The following PBXIP1 variants were observed in gnomAD, a reference collection of about 807,000 sequenced individuals.
PBXIP1 encodes pre-B-cell leukemia transcription factor-interacting protein 1.
In PBXIP1, 73 loss-of-function variants were observed where a neutral mutation model predicts 73.7. That is an observed-to-expected ratio of 0.99 (90% CI 0.82 to 1.20). PBXIP1 has a LOEUF of 1.20. PBXIP1 is among the 50% of genes most tolerant of loss of function. The pLI is 0.00. For synonymous variants in PBXIP1, 330 were observed against 366.9 expected (o/e 0.90, Z 1.15); for missense variants, 818 against 911.4 (o/e 0.90, Z 1.32).
intron 9 of PBXIP1, chr1:154,947,037 C>T (rs1027429593): frequency 1.8e-6 from 1 of 551,914 alleles, no homozygotes; most frequent in African/African-American, 1.9e-5. Flanking sequence ...TATATAAGCA[C>T]ACACTTCCTA....
rs1329267515 is a variant in PBXIP1, at chr1:154,945,745, A to T, written c.1929T>A (p.Phe643Leu). 3 of 1,614,186 alleles carry T rather than the reference A, an allele frequency of 1.9e-6. No individual in the cohort carries two copies. The Admixed American group carries it at 5.0e-5, about 27-fold the overall frequency. The part of the protein sequence containing the change: ...TKELPLSPAF[F>L]GEDGIFRHDR... ...CATGACGGAAGATGCCATCCTCACC[A>T]AAGAAAGCAGGTGAGAGGGGTAGCT... Residue 643 changes from phenylalanine to leucine, a missense_variant, in exon 10 of 11, where the codon TTT (phenylalanine) becomes TTA (leucine). Transcript: ENST00000368463.
In PBXIP1 at chr1:154,951,543, A is replaced by T; in HGVS notation, c.179-8T>A. 6 of 1,613,406 alleles carry T rather than the reference A, an allele frequency of 3.7e-6. No individual in the cohort carries two copies. Among genetic ancestry groups the T allele is most frequent in the Non-Finnish European group, 5.1e-6 (6 of 1,179,354 alleles). On this transcript the variant is annotated splice_polypyrimidine_tract_variant and splice_region_variant and intron_variant, in intron 3 of 10. Transcript: ENST00000368463. The surrounding 1 kb of genome is among the most constrained non-coding windows in gnomAD (Gnocchi z 4.3). ...CAGTCTGGAAGAGCGTCCCTGCGGT[A>T]GGAGAAAAGGCGCAGAAAAACCCAC...
Position 154,951,151 on chromosome 1 carries a change from C to T in PBXIP1, c.409+81G>A. 1.5e-6 allele frequency: 2 copies of T among 1,310,800 alleles called. No individual in the cohort carries two copies. Among genetic ancestry groups the T allele is most frequent in the Non-Finnish European group, 2.2e-6 (2 of 918,894 alleles). 81.2% of individuals were successfully genotyped at this position (1,310,800 alleles called of 1,614,324 possible). ...CTCAGCCCTAGGGCCTGGACCACAG[C>T]ATGTGCTCAGTAGTGATGGCTGATC... On this transcript the variant is annotated intron_variant, in intron 5 of 10. Coordinates refer to ENST00000368463, the MANE Select transcript of PBXIP1 (RefSeq NM_020524.4). This position sits in a 1 kb window ranked among gnomAD's most constrained non-coding sequence, Gnocchi z 4.3.
intron 2 of PBXIP1, among the ~76,000 whole-genome samples, chr1:154,952,974 C>A (rs1174039054): frequency 6.6e-6 from 1 of 152,216 alleles, no homozygotes; most frequent in East Asian, 1.9e-4. Flanking sequence ...AAAGTCGCTA[C>A]GTCTTGGAAC....
At chr1:154,952,899 A>T (rs1245330746) in intron 2 of PBXIP1, among the ~76,000 whole-genome samples, 1 of 152,060 alleles carries the variant, frequency 6.6e-6, no homozygotes, top group African/African-American at 2.4e-5. Context: ...CCTCAAGGGC[A>T]CCTCAAACTC....
At chr1:154,950,090 A>C in intron 5 of PBXIP1, 1 of 201,214 alleles carries the variant, frequency 5.0e-6, no homozygotes, top group South Asian at 1.9e-4. Context: ...ATCTTGGCTC[A>C]CTGCAACCTC....
rs1654909717 is a variant in PBXIP1 at position 154,948,498 on chromosome 1, C to CCTTGCCCA, written c.410-140_410-133dup. 3 of 647,222 alleles carry CCTTGCCCA rather than the reference C, an allele frequency of 4.6e-6. No individual in the cohort carries two copies. The Admixed American group carries it at 9.2e-5, about 20-fold the overall frequency. The allele number at this position is 647,222 out of a possible 1,614,324, so 40.1% of individuals were successfully genotyped here. A position where few individuals can be genotyped will look rare whatever the true frequency, so the allele number is the denominator to read the frequency against. On this transcript the variant is annotated intron_variant, in intron 5 of 10. Transcript: ENST00000368463. ...GACCCCAGAGAGGGGCACATGAAGACCTTGCCCACTTGCCCACTTCTGCCT... is the reference window on the plus strand; with the variant it reads ...GACCCCAGAGAGGGGCACATGAAGACCTTGCCCACTTGCCCACTTGCCCACTTCTGCCT...
Position 154,953,796 on chromosome 1 carries a change from C to T in PBXIP1, c.-36-39G>A, listed in dbSNP as rs1655088593. ...CTCTCTTAAGGATGGGAGCTCCCTT[C>T]AGGAGGGGCAGAATGCAGAAAGCAG... On this transcript the variant is annotated intron_variant, in intron 1 of 10. Coordinates refer to ENST00000368463, the MANE Select transcript of PBXIP1 (RefSeq NM_020524.4). 3 of 1,334,752 alleles carry T rather than the reference C, an allele frequency of 2.2e-6. No individual in the cohort carries two copies. In the African/African-American group the frequency reaches 4.3e-5, roughly 19 times the overall value. The allele number at this position is 1,334,752 out of a possible 1,614,324, so 82.7% of individuals were successfully genotyped here.
In PBXIP1 at chr1:154,945,765, G is replaced by A; in HGVS notation, c.1909C>T (p.Pro637Ser). Residue 637 changes from proline (P) to serine (S), a missense_variant, in exon 10 of 11, where the codon CCC becomes TCC. Physicochemically the swap from Pro to Ser is moderately conservative, Grantham distance 74 (BLOSUM62 -1). Transcript: ENST00000368463. ...PWAGQLTKEL[P>S]LSPAFFGEDG... ...TCACCAAAGAAAGCAGGTGAGAGGG[G>A]TAGCTCCTTGGTCAGCTGCCCAGCC... 1 of 1,614,218 alleles carries A rather than the reference G, an allele frequency of 6.2e-7. No individual in the cohort carries two copies. The highest frequency in any genetic ancestry group is 8.5e-7 in the Non-Finnish European group (1 of 1,180,036).
Position 154,951,923 on chromosome 1 carries a change from T to C in PBXIP1, c.52-2A>G. Reference sequence around the variant, plus strand: ...GCCCAGTGTCTCCACTGGCAGGCTCTGGGAGGAGAAGTGCAAGGAGAAGGG... The same window carrying C: ...GCCCAGTGTCTCCACTGGCAGGCTCCGGGAGGAGAAGTGCAAGGAGAAGGG... On this transcript the variant is annotated splice_acceptor_variant, in intron 2 of 10. Transcript: ENST00000368463. LOFTEE classifies it high-confidence loss of function. The surrounding 1 kb of genome is among the most constrained non-coding windows in gnomAD (Gnocchi z 4.3). 1 of 1,603,724 alleles carries C rather than the reference T, an allele frequency of 6.2e-7. No homozygotes were observed. The highest frequency in any genetic ancestry group is 8.5e-7 in the Non-Finnish European group (1 of 1,177,406).
chr1:154,952,007 G>A, intron 2 of PBXIP1, 86 bp from the exon 3 acceptor site: 1 of 1,467,990 alleles, frequency 6.8e-7, no homozygotes, highest in Non-Finnish European at 9.2e-7. Context: ...TCAGTCATGA[G>A]CTGGCCCAAA....
At chr1:154,947,756 A>G in intron 7 of PBXIP1, 44 bp from the exon 8 acceptor site, 1 of 1,577,072 alleles carries the variant, frequency 6.3e-7, no homozygotes, top group Non-Finnish European at 8.7e-7. Context: ...AGGCACACAG[A>G]GCCCATTCTC....
Position 154,945,958 on chromosome 1 carries a change from T to C in PBXIP1, c.1716A>G (p.Pro572=). The change falls in exon 10 of 11, where the codon CCA becomes CCG. Residue 572 remains proline (P), a synonymous_variant. Transcript: ENST00000368463. ...EGTKDSHDPL[P]SWAELLRPKY... is the part of the protein sequence containing the mutation. ...TGGGCCTCAACAGCTCTGCCCAGGA[T>C]GGCAGGGGGTCATGGCTGTCCTTAG... 1.2e-6 allele frequency: 2 copies of C among 1,614,086 alleles called. No homozygotes were observed. Among genetic ancestry groups the C allele is most frequent in the Non-Finnish European group, 1.7e-6 (2 of 1,179,940 alleles).
Position 154,946,815 on chromosome 1 carries a change from T to C in PBXIP1, c.871-12A>G. 1 of 1,516,924 alleles carries C rather than the reference T, an allele frequency of 6.6e-7. No individual in the cohort carries two copies. The highest frequency in any genetic ancestry group is 8.8e-7 in the Non-Finnish European group (1 of 1,134,224). The allele number at this position is 1,516,924 out of a possible 1,614,324, so 94.0% of individuals were successfully genotyped here. On this transcript the variant is annotated splice_polypyrimidine_tract_variant and intron_variant, in intron 9 of 10. Transcript: ENST00000368463. Reference sequence around the variant, plus strand: ...TCTTCCTTTTGGGCCTAGAATATGGTTTGGGACAAAGGAAGTCACAAAGAG... The same window carrying C: ...TCTTCCTTTTGGGCCTAGAATATGGCTTGGGACAAAGGAAGTCACAAAGAG...
In PBXIP1 at chr1:154,949,988, ATTTATTTTAT is replaced by A. The variant is rs575712181; in HGVS notation, c.409+1234_409+1243del. ...CCACACCCAGCCTATTTTTATTTTT[ATTTATTTTAT>A]TTTATTTTATTTTATTTTATTTATT... On this transcript the variant is annotated intron_variant, in intron 5 of 10. Coordinates refer to ENST00000368463, the MANE Select transcript of PBXIP1 (RefSeq NM_020524.4). 2.1e-3 allele frequency among the ~76,000 whole-genome samples: 312 copies of A among 151,144 alleles called. 1 individual carries two copies. The highest frequency in any genetic ancestry group is 6.8e-3 in the Middle Eastern group (2 of 294).
At chr1:154,954,411 C>A (rs1045301165) in intron 1 of PBXIP1, among the ~76,000 whole-genome samples, 1 of 152,182 alleles carries the variant, frequency 6.6e-6, no homozygotes, top group African/African-American at 2.4e-5. Context: ...TCAAATGATT[C>A]TCATGCGCAG....
chr1:154,952,805 T>G (rs999357496), intron 2 of PBXIP1, among the ~76,000 whole-genome samples: 4 of 152,082 alleles, frequency 2.6e-5, no homozygotes, highest in African/African-American at 9.7e-5. Flanking sequence ...TGCTCATACC[T>G]GCCTTCCCTC....
In PBXIP1 at chr1:154,951,511, G is replaced by C. The variant is rs1399881281; in HGVS notation, c.203C>G (p.Pro68Arg). 6 of 1,613,968 alleles carry C rather than the reference G, an allele frequency of 3.7e-6. No individual in the cohort carries two copies. Among genetic ancestry groups the C allele is most frequent in the Non-Finnish European group, 5.1e-6 (6 of 1,179,864 alleles). ...CTCTGTTAGAATGCTGCCAGACTGAGGGCTTTCAGTCTGGAAGAGCGTCCC... is the reference window on the plus strand; with the variant it reads ...CTCTGTTAGAATGCTGCCAGACTGACGGCTTTCAGTCTGGAAGAGCGTCCC... Reference protein sequence around the residue: ...GEGTLFQTESPQSGSILTEET... With the variant: ...GEGTLFQTESRQSGSILTEET... The change falls in exon 4 of 11, where the codon CCT (proline) becomes CGT (arginine). Residue 68 changes from proline to arginine, a missense_variant. Pro to Arg is a moderately radical substitution (Grantham distance 103). Coordinates refer to ENST00000368463, the MANE Select transcript of PBXIP1 (RefSeq NM_020524.4). The surrounding 1 kb of genome is among the most constrained non-coding windows in gnomAD (Gnocchi z 4.3).
intron 10 of PBXIP1, 52 bp downstream of exon 10, chr1:154,945,520 T>G: frequency 6.4e-7 from 1 of 1,551,692 alleles, no homozygotes; most frequent in Non-Finnish European, 8.8e-7. Context: ...GCTCTTCACA[T>G]CCTCCCGACT....
Sources: gnomAD v4.1 joint callset for allele counts (sites outside exome capture counted in the v4.1 genomes callset) on GRCh38, gnomAD v4.1.1 for gene constraint, Gnocchi (gnomAD v3.1) non-coding constraint, MANE v1.5 for transcripts, NCBI Gene and HGNC (gene_info 2026-07-23, HGNC 2026-07-21) for gene names.